Variants in CENPE observed in about 807,000 individuals in gnomAD.
CENPE encodes the protein centromere protein E.
In CENPE, 145 loss-of-function variants were observed where a neutral mutation model predicts 336.1. The observed-to-expected ratio is 0.43, with a 90% confidence interval of 0.38 to 0.50. CENPE has a LOEUF of 0.50. Among genes scored for constraint, CENPE ranks in the 20% least tolerant of loss-of-function variants. The pLI, the probability that CENPE is intolerant of heterozygous loss-of-function variation, is 0.00. For missense variants in CENPE, 2,719 were observed against 3,023.3 expected (o/e 0.90, Z 2.36); for synonymous variants, 1,013 against 984.8 (o/e 1.03, Z -0.54).
intron 47 of CENPE, among the ~76,000 whole-genome samples, chr4:103,110,370 T>A (rs1749288966): frequency 6.6e-6 from 1 of 152,200 alleles, no homozygotes; most frequent in South Asian, 2.1e-4. Context: ...TAGTTATTTG[T>A]AAAATTATTT....
intron 36 of CENPE, among the ~76,000 whole-genome samples, 197 bp from the exon 37 acceptor site, chr4:103,140,611 T>C (rs1752465617): frequency 6.6e-6 from 1 of 152,156 alleles, no homozygotes; most frequent in African/African-American, 2.4e-5. Flanking sequence ...TTCATACCAC[T>C]TGGACATCTT....
At chr4:103,117,210 G>A (rs533894397) in intron 44 of CENPE, among the ~76,000 whole-genome samples, 2 of 152,230 alleles carry the variant, frequency 1.3e-5, no homozygotes, top group African/African-American at 2.4e-5. Context: ...GGAAAATACT[G>A]GGAGTTCCTA....
chr4:103,178,152 C>T (rs1179322197), intron 13 of CENPE, among the ~76,000 whole-genome samples: 1 of 151,332 alleles, frequency 6.6e-6, no homozygotes, highest in East Asian at 2.0e-4. Flanking sequence ...AATTATTTGA[C>T]CCACTCTCTG....
intron 35 of CENPE, 135 bp from the exon 36 acceptor site, chr4:103,141,239 CTTTCT>C (rs1455251207): frequency 1.7e-6 from 1 of 594,402 alleles, no homozygotes; most frequent in African/African-American, 1.9e-5. Context: ...CAGAATTTTA[CTTTCT>C]TTTGAGGTAT....
rs755199625 is a variant in CENPE at position 103,144,627 on chromosome 4, A to G, written c.4858-9T>C. ...TCTTGAGATTCTTTCATCTGAGAAA[A>G]TTATAAAGTAAGTTACAACATAGGC... On this transcript the variant is annotated splice_polypyrimidine_tract_variant and intron_variant, in intron 32 of 48. Coordinates refer to ENST00000265148, the MANE Select transcript of CENPE (RefSeq NM_001813.3). The G allele has an allele frequency of 1.5e-5, 23 of 1,584,136 alleles. No homozygotes were observed. Among genetic ancestry groups the G allele is most frequent in the Admixed American group, 1.8e-5 (1 of 55,792 alleles).
At chr4:103,161,602 T>A (rs547383554) in intron 18 of CENPE, 145 bp from the exon 19 acceptor site, 1 of 647,560 alleles carries the variant, frequency 1.5e-6, no homozygotes, top group African/African-American at 1.9e-5. Flanking sequence ...AAAGAAATAA[T>A]GTTTTCCTAA....
chr4:103,163,366 C>CTA, intron 17 of CENPE, 110 bp from the exon 18 acceptor site: 1 of 1,278,452 alleles, frequency 7.8e-7, no homozygotes, highest in Non-Finnish European at 1.1e-6. Context: ...TTCAAAGTCA[C>CTA]TAATATTTTA....
At chr4:103,166,323 A>G (rs1290444932) in intron 16 of CENPE, among the ~76,000 whole-genome samples, 1 of 152,174 alleles carries the variant, frequency 6.6e-6, no homozygotes, top group African/African-American at 2.4e-5. Flanking sequence ...AAGTGGCAAA[A>G]CTGCGGCTTA....
chr4:103,148,714 T>C, intron 28 of CENPE, 130 bp downstream of exon 28: 1 of 831,694 alleles, frequency 1.2e-6, no homozygotes, highest in Non-Finnish European at 1.9e-6. Flanking sequence ...GCCTGCCACA[T>C]TAAACACTCG....
chr4:103,152,677 T>C (rs1753657405), intron 25 of CENPE, among the ~76,000 whole-genome samples: 1 of 152,192 alleles, frequency 6.6e-6, no homozygotes. Flanking sequence ...AATGAACTAT[T>C]CCTTGGCAGT....
In CENPE at chr4:103,198,290, G is replaced by A; in HGVS notation, c.30C>T (p.Cys10=). Residue 10 remains cysteine (C), a synonymous_variant, in exon 1 of 49, where the codon TGC becomes TGT. Transcript: ENST00000265148. The part of the protein sequence containing the change: MAEEGAVAV[C]VRVRPLNSRE... ...TGCTGTTCAGCGGCCGCACTCGCAC[G>A]CAGACGGCCACGGCTCCTTCCTCCG... 4.5e-6 allele frequency: 7 copies of A among 1,550,868 alleles called. No homozygotes were observed. The highest frequency in any genetic ancestry group is 6.1e-6 in the Non-Finnish European group (7 of 1,146,888).
chr4:103,138,093 C>T (rs183430730), intron 39 of CENPE, among the ~76,000 whole-genome samples: 4 of 152,134 alleles, frequency 2.6e-5, no homozygotes, highest in Admixed American at 2.6e-4. Flanking sequence ...ATCTGTATGG[C>T]CTGACCCTTT....
intron 8 of CENPE, among the ~76,000 whole-genome samples, chr4:103,188,692 A>G (rs977427934): frequency 4.9e-4 from 75 of 152,354 alleles, no homozygotes; most frequent in Non-Finnish European, 1.0e-3. Flanking sequence ...AGAAAGCAGG[A>G]AAGATCTAAA....
intron 26 of CENPE, among the ~76,000 whole-genome samples, chr4:103,149,980 T>C (rs779743546): frequency 6.6e-6 from 1 of 152,144 alleles, no homozygotes; most frequent in Non-Finnish European, 1.5e-5. Flanking sequence ...ACAGGCTGAT[T>C]AAGGAGATAA....
intron 45 of CENPE, 22 bp from the exon 46 acceptor site, chr4:103,114,574 T>C (rs1251680019): frequency 4.1e-6 from 6 of 1,463,650 alleles, no homozygotes; most frequent in East Asian, 4.5e-5. Flanking sequence ...AATAAAAATA[T>C]GTAAAAAGCT....
At chr4:103,136,473 G>A (rs1752078032) in intron 39 of CENPE, 114 bp from the exon 40 acceptor site, 1 of 650,656 alleles carries the variant, frequency 1.5e-6, no homozygotes, top group Non-Finnish European at 2.5e-6. Flanking sequence ...CTGTAGGAGA[G>A]AAATAAAGAC....
chr4:103,151,190 T>C (rs2125943081), intron 26 of CENPE, 29 bp downstream of exon 26: 3 of 1,570,670 alleles, frequency 1.9e-6, no homozygotes, highest in Non-Finnish European at 2.6e-6. Flanking sequence ...TTAGAAAAAA[T>C]GGCCAGGGAA....
chr4:103,109,186 AAT>A (rs1560583774), intron 47 of CENPE, 97 bp from the exon 48 acceptor site: 1 of 922,936 alleles, frequency 1.1e-6, no homozygotes, highest in Non-Finnish European at 1.6e-6. Flanking sequence ...ATTGTGATGA[AAT>A]ATATATAACA....
rs1036792452 is a variant in CENPE, at chr4:103,195,378, C to T, written c.358-145G>A. The T allele has an allele frequency of 3.2e-5, 18 of 558,892 alleles. No individual in the cohort carries two copies. In the African/African-American group the frequency reaches 3.6e-4, roughly 11 times the overall value. The allele number at this position is 558,892 out of a possible 1,614,324, so 34.6% of individuals were successfully genotyped here. On this transcript the variant is annotated intron_variant, in intron 4 of 48. Coordinates refer to ENST00000265148, the MANE Select transcript of CENPE (RefSeq NM_001813.3). The stretch of plus-strand genomic sequence containing the variant: ...GTTCTACTGTTGACAAAATAATGAA[C>T]ACAAAAATATAAAAGCATCGTTACA...
Sources: gnomAD v4.1 joint callset for allele counts (sites outside exome capture counted in the v4.1 genomes callset) on GRCh38, gnomAD v4.1.1 for gene constraint, MANE v1.5 for transcripts, NCBI Gene and HGNC (gene_info 2026-07-23, HGNC 2026-07-21) for gene names.